ACP6: variants seen among roughly 807,000 people sequenced by gnomAD.
The protein encoded by ACP6 is lysophosphatidic acid phosphatase type 6.
In ACP6, 48 loss-of-function variants were observed where a neutral mutation model predicts 48.1. The observed-to-expected ratio is 1.00, with a 90% CI of 0.79 to 1.27. The LOEUF (loss-of-function observed/expected upper bound fraction) is 1.27. Ranked by LOEUF, ACP6 falls within the 50% of genes most tolerant of loss-of-function variation. ACP6 has a pLI of 0.00. For synonymous variants in ACP6, 172 were observed against 204.2 expected, an observed-to-expected ratio of 0.84 and a Z score of 1.34; for missense variants, 485 against 529.1, an observed-to-expected ratio of 0.92 and a Z score of 0.82.
chr1:147,654,369 T>G, intron 5 of ACP6, 43 bp from the exon 6 acceptor site: 1 of 1,602,762 alleles, frequency 6.2e-7, no homozygotes, highest in Non-Finnish European at 8.5e-7. Flanking sequence ...CTATAGTGAT[T>G]AACAGTTTAC....
chr1:147,658,978 A>G lies in ACP6; in HGVS notation c.541T>C (p.Phe181Leu). ...TACGAACCTTCTTTCTGACACTGGA[A>G]AAGCCCAGCCAGCAAACAACGGGTG... Reference protein sequence around the residue: ...ESTRCLLAGLFQCQKEGPIII... With the variant: ...ESTRCLLAGLLQCQKEGPIII... The change falls in exon 4 of 10, where the codon TTC becomes CTC. Residue 181 changes from phenylalanine (F) to leucine (L), a missense_variant. Coordinates refer to ENST00000583509, the MANE Select transcript of ACP6 (RefSeq NM_016361.5). 1 of 1,612,596 alleles carries G rather than the reference A, an allele frequency of 6.2e-7. No individual in the cohort carries two copies. Among genetic ancestry groups the G allele is most frequent in the Non-Finnish European group, 8.5e-7 (1 of 1,179,020 alleles).
chr1:147,667,672 T>C (rs782216788), intron 1 of ACP6, among the ~76,000 whole-genome samples: 32 of 152,264 alleles, frequency 2.1e-4, no homozygotes, highest in Non-Finnish European at 3.7e-4. Flanking sequence ...CTGACTATAA[T>C]TAATAGCAGA....
intron 4 of ACP6, among the ~76,000 whole-genome samples, chr1:147,657,157 A>G (rs1660298951): frequency 6.6e-6 from 1 of 152,194 alleles, no homozygotes; most frequent in Non-Finnish European, 1.5e-5. Flanking sequence ...TAATATTATA[A>G]ACCTCTAATA....
intron 7 of ACP6, chr1:147,650,783 A>G (rs1258215007): frequency 1.3e-5 from 2 of 152,262 alleles, no homozygotes; most frequent in Admixed American, 6.5e-5. Flanking sequence ...GTGTGGCTCC[A>G]CCACTTTCAT....
At chr1:147,663,028 T>A (rs1660624306) in intron 1 of ACP6, among the ~76,000 whole-genome samples, 2 of 152,206 alleles carry the variant, frequency 1.3e-5, no homozygotes, top group South Asian at 4.1e-4. Context: ...TCACTAGCAC[T>A]TTTTAGGAAT....
chr1:147,655,060 T>C lies in ACP6; in HGVS notation c.647+101A>G, dbSNP rs1660176179. On this transcript the variant is annotated intron_variant, in intron 5 of 9. Coordinates refer to ENST00000583509, the MANE Select transcript of ACP6 (RefSeq NM_016361.5). ...AACCTTCCCATCCATTATTCGCCAG[T>C]AGGGTAAGCCTGGACAGGCCCTCAG... is the stretch of plus-strand genomic sequence containing the variant. 7 of 905,552 alleles carry C rather than the reference T, an allele frequency of 7.7e-6. No individual in the cohort carries two copies. The East Asian group carries it at 1.6e-4, about 21-fold the overall frequency. 56.1% of individuals were successfully genotyped at this position (905,552 alleles called of 1,614,324 possible).
At chr1:147,648,531 G>A in intron 8 of ACP6, 120 bp from the exon 9 acceptor site, 2 of 1,174,316 alleles carry the variant, frequency 1.7e-6, no homozygotes, top group Non-Finnish European at 2.4e-6. Context: ...CTAGAAATCA[G>A]CTGAGCCTGG....
downstream of ACP6, among the ~76,000 whole-genome samples, chr1:147,638,117 C>G (rs1659347169): frequency 6.6e-6 from 1 of 152,202 alleles, no homozygotes; most frequent in African/African-American, 2.4e-5. Context: ...TAGCATCCAG[C>G]ATGTTCACTG....
At chr1:147,662,990 G>A (rs781995588) in intron 1 of ACP6, among the ~76,000 whole-genome samples, 2 of 152,178 alleles carry the variant, frequency 1.3e-5, no homozygotes, top group Admixed American at 1.3e-4. Flanking sequence ...CTGGCAAAAA[G>A]ATCATGACTC....
intron 6 of ACP6, among the ~76,000 whole-genome samples, chr1:147,652,928 G>A (rs1553210884): frequency 1.3e-5 from 2 of 152,238 alleles, no homozygotes; most frequent in African/African-American, 4.8e-5. Context: ...CTGGGTTCAC[G>A]CCATTTTCCT....
Position 147,648,275 on chromosome 1 carries a change from A to T in ACP6, c.1114T>A (p.Trp372Arg), listed in dbSNP as rs1285148031. 1.9e-6 allele frequency: 3 copies of T among 1,613,956 alleles called. No individual in the cohort carries two copies. Among genetic ancestry groups the T allele is most frequent in the African/African-American group, 2.7e-5 (2 of 74,852 alleles). The change falls in exon 9 of 10, where the codon TGG becomes AGG. Residue 372 changes from tryptophan (W) to arginine (R), a missense_variant. Coordinates refer to ENST00000583509, the MANE Select transcript of ACP6 (RefSeq NM_016361.5). ...CCGTGGTAATAGAGCTGCACAAACC[A>T]CTCCTTAGATTCCAGGTGCTGGTAA... Reference protein sequence around the residue: ...ELYQHLESKEWFVQLYYHGKE... With the variant: ...ELYQHLESKERFVQLYYHGKE...
chr1:147,665,878 A>AAGC (rs764615046), intron 1 of ACP6, among the ~76,000 whole-genome samples: 3 of 152,226 alleles, frequency 2.0e-5, no homozygotes, highest in Non-Finnish European at 2.9e-5. Context: ...TCTCATTCTC[A>AAGC]TTCCTGCTCT....
At chr1:147,662,781 C>T (rs1404356588) in intron 1 of ACP6, among the ~76,000 whole-genome samples, 1 of 152,202 alleles carries the variant, frequency 6.6e-6, no homozygotes, top group Non-Finnish European at 1.5e-5. Flanking sequence ...ACTCCAATTT[C>T]AAAAGATGTT....
At chr1:147,636,168 G>A (rs1557872986) in intron 5 of ACP6, among the ~76,000 whole-genome samples, 1 of 152,208 alleles carries the variant, frequency 6.6e-6, no homozygotes, top group Non-Finnish European at 1.5e-5. Flanking sequence ...GGGTGTAAAT[G>A]TGAAAGAGGC....
chr1:147,660,973 C>T (rs587652118), intron 1 of ACP6, among the ~76,000 whole-genome samples: 1 of 152,264 alleles, frequency 6.6e-6, no homozygotes, highest in African/African-American at 2.4e-5. Context: ...TTGCATTTTT[C>T]ACAAATTGAA....
At chr1:147,667,524 T>C (rs1307807218) in intron 1 of ACP6, among the ~76,000 whole-genome samples, 14 of 150,970 alleles carry the variant, frequency 9.3e-5, no homozygotes, top group Admixed American at 9.3e-4. Context: ...CCAAAACATC[T>C]AGTTTTAAAT....
At chr1:147,633,281 CT>C (rs148758103) in intron 5 of ACP6, among the ~76,000 whole-genome samples, 1,831 of 152,234 alleles carry the variant, frequency 0.012, 33 homozygotes, top group African/African-American at 0.042. Flanking sequence ...TCCTAATTTT[CT>C]TTTTCCCAAG....
chr1:147,655,976 A>C (rs1316545826), intron 4 of ACP6, among the ~76,000 whole-genome samples: 2 of 152,076 alleles, frequency 1.3e-5, no homozygotes, highest in African/African-American at 2.4e-5. Context: ...TTCTTTTTCC[A>C]CACTGCTCAA....
intron 6 of ACP6, among the ~76,000 whole-genome samples, chr1:147,653,292 G>A (rs1553211001): frequency 2.0e-5 from 3 of 151,492 alleles, no homozygotes; most frequent in African/African-American, 4.8e-5. Flanking sequence ...CACCACACCC[G>A]GCTAAATTTT....
Sources: gnomAD v4.1 joint callset for allele counts (sites outside exome capture counted in the v4.1 genomes callset) on GRCh38, gnomAD v4.1.1 for gene constraint, MANE v1.5 for transcripts, NCBI Gene and HGNC (gene_info 2026-07-23, HGNC 2026-07-21) for gene names.